ZBTB7C: variants seen among roughly 807,000 people sequenced by gnomAD.
ZBTB7C encodes the protein zinc finger and BTB domain-containing protein 7C.
Under a neutral mutation model 25.7 loss-of-function variants are expected in ZBTB7C, and 8 were observed. The observed-to-expected ratio is 0.31, with a 90% confidence interval of 0.18 to 0.56. The LOEUF is 0.56. Among genes scored for constraint, ZBTB7C ranks in the 20% least tolerant of loss-of-function variants. The pLI, the probability that ZBTB7C is intolerant of heterozygous loss-of-function variation, is 0.91. For missense variants in ZBTB7C, 824 were observed against 855.2 expected (o/e 0.96, Z 0.46); for synonymous variants, 394 against 369.0 (o/e 1.07, Z -0.78).
chr18:48,085,614 A>G (rs924713335), intron 3 of ZBTB7C, among the ~76,000 whole-genome samples: 2 of 152,214 alleles, frequency 1.3e-5, no homozygotes, highest in African/African-American at 4.8e-5. Flanking sequence ...GTGAGGATTA[A>G]AAGAGTTAAT....
intron 2 of ZBTB7C, among the ~76,000 whole-genome samples, chr18:48,215,516 T>C (rs2042802626): frequency 6.6e-6 from 1 of 152,228 alleles, no homozygotes; most frequent in African/African-American, 2.4e-5. Flanking sequence ...AAACCATTGG[T>C]GGATTCAAAG....
chr18:48,351,333 G>T (rs1246737769), intron 1 of ZBTB7C, among the ~76,000 whole-genome samples: 1 of 152,132 alleles, frequency 6.6e-6, no homozygotes, highest in African/African-American at 2.4e-5. Flanking sequence ...CGGGGCAGGA[G>T]TGGAGAGGAG....
intron 3 of ZBTB7C, among the ~76,000 whole-genome samples, chr18:48,046,298 TACA>T (rs1455279248): frequency 6.6e-6 from 1 of 152,260 alleles, no homozygotes; most frequent in African/African-American, 2.4e-5. Flanking sequence ...ATCCGTGTAT[TACA>T]ACAATGTTTT....
At chr18:48,361,470 T>A (rs760880307) in intron 1 of ZBTB7C, among the ~76,000 whole-genome samples, 1 of 152,210 alleles carries the variant, frequency 6.6e-6, no homozygotes, top group Non-Finnish European at 1.5e-5. Context: ...AGAAATCTAA[T>A]GCACTCTTTT....
intron 1 of ZBTB7C, among the ~76,000 whole-genome samples, chr18:48,402,652 C>A (rs188553392): frequency 1.3e-5 from 2 of 152,262 alleles, no homozygotes; most frequent in African/African-American, 4.8e-5. Context: ...GAGAAAGGAA[C>A]CTTTCTGTTT....
At chr18:48,055,073 C>A (rs2036857332) in intron 3 of ZBTB7C, among the ~76,000 whole-genome samples, 1 of 151,978 alleles carries the variant, frequency 6.6e-6, no homozygotes, top group African/African-American at 2.4e-5. Context: ...TAAGAGTAAC[C>A]CACAGCAAAA....
At chr18:48,310,574 C>T (rs552391171) in intron 2 of ZBTB7C, among the ~76,000 whole-genome samples, 45 of 152,086 alleles carry the variant, frequency 3.0e-4, no homozygotes, top group African/African-American at 1.0e-3. Context: ...GTGTGTGTCC[C>T]CTGAGGATGG....
intron 2 of ZBTB7C, among the ~76,000 whole-genome samples, chr18:48,204,345 T>C (rs2042529625): frequency 6.6e-6 from 1 of 152,240 alleles, no homozygotes; most frequent in Middle Eastern, 3.4e-3. Flanking sequence ...TTTACCTAGA[T>C]ACCCACTGCA....
chr18:48,346,804 T>A (rs75007242), intron 1 of ZBTB7C: 3 of 151,994 alleles, frequency 2.0e-5, no homozygotes, highest in Non-Finnish European at 4.4e-5. Flanking sequence ...TTTTTTTTTT[T>A]AGATGGAGTC....
chr18:48,365,962 G>A (rs945065848), intron 1 of ZBTB7C, among the ~76,000 whole-genome samples: 2 of 152,174 alleles, frequency 1.3e-5, no homozygotes, highest in Non-Finnish European at 1.5e-5. Context: ...TTATCAGGGG[G>A]CAAGACTGTT....
At chr18:48,046,423 A>G (rs4476244) in intron 3 of ZBTB7C, among the ~76,000 whole-genome samples, 30,645 of 152,190 alleles carry the variant, frequency 0.2, 3,769 homozygotes, top group South Asian at 0.29. Flanking sequence ...ATCTGAAAAG[A>G]CTGTGTGTAA....
chr18:48,325,759 A>G (rs1265624364), intron 2 of ZBTB7C, among the ~76,000 whole-genome samples: 2 of 152,180 alleles, frequency 1.3e-5, no homozygotes, highest in African/African-American at 4.8e-5. Flanking sequence ...ATGGGACAGT[A>G]TCTCAGGTCA....
At chr18:48,230,799 G>C (rs1427186526) in intron 2 of ZBTB7C, among the ~76,000 whole-genome samples, 1 of 152,182 alleles carries the variant, frequency 6.6e-6, no homozygotes, top group African/African-American at 2.4e-5. Flanking sequence ...TGAGAGTGCA[G>C]ACCCAGGCAT....
intron 3 of ZBTB7C, among the ~76,000 whole-genome samples, chr18:48,075,559 T>C (rs916369638): frequency 1.8e-4 from 28 of 152,076 alleles, no homozygotes; most frequent in African/African-American, 6.8e-4. Context: ...TTGCACAGTT[T>C]TGGGTTGATT....
chr18:48,262,734 T>C (rs1401835453), intron 2 of ZBTB7C, among the ~76,000 whole-genome samples: 1 of 152,178 alleles, frequency 6.6e-6, no homozygotes, highest in Non-Finnish European at 1.5e-5. Flanking sequence ...AGACTGCATG[T>C]CCGTGTCACT....
intron 1 of ZBTB7C, among the ~76,000 whole-genome samples, chr18:48,389,614 G>GCCT (rs1239921657): frequency 8.6e-5 from 13 of 151,962 alleles, no homozygotes; most frequent in African/African-American, 2.9e-4. Flanking sequence ...TATACTCATA[G>GCCT]CCTCACCCTC....
chr18:48,173,996 T>C (rs2041586172), intron 3 of ZBTB7C, among the ~76,000 whole-genome samples: 1 of 152,232 alleles, frequency 6.6e-6, no homozygotes, highest in Non-Finnish European at 1.5e-5. Flanking sequence ...GAATTCCAAT[T>C]CATCTTTTAG....
intron 2 of ZBTB7C, among the ~76,000 whole-genome samples, chr18:48,328,370 T>C (rs2046272097): frequency 6.6e-6 from 1 of 152,142 alleles, no homozygotes; most frequent in African/African-American, 2.4e-5. Flanking sequence ...ATAGTGATGA[T>C]CTGTGGTGAT....
At chr18:48,073,868 C>T (rs1266371639) in intron 3 of ZBTB7C, among the ~76,000 whole-genome samples, 1 of 152,198 alleles carries the variant, frequency 6.6e-6, no homozygotes, top group Non-Finnish European at 1.5e-5. Context: ...TCTCCCTTTT[C>T]TCTCCTCACT....
Sources: allele counts gnomAD v4.1 joint callset (sites outside exome capture counted in the v4.1 genomes callset), GRCh38; gene constraint gnomAD v4.1.1; transcripts MANE v1.5; gene names NCBI Gene and HGNC (gene_info 2026-07-23, HGNC 2026-07-21).